Variants in PBX3 observed in about 807,000 individuals in gnomAD.
The protein encoded by PBX3 is pre-B-cell leukemia transcription factor 3.
A neutral mutation model predicts 48.5 loss-of-function variants in PBX3; 14 were observed. The observed-to-expected ratio is 0.29, with a 90% CI of 0.19 to 0.45. The LOEUF (loss-of-function observed/expected upper bound fraction) is 0.45, where lower values mean the gene tolerates loss of function less well. Among genes scored for constraint, PBX3 ranks in the 20% least tolerant of loss-of-function variants. The pLI, the probability that PBX3 is intolerant of heterozygous loss-of-function variation, is 1.00. For synonymous variants in PBX3, 210 were observed against 200.3 expected (o/e 1.05, Z -0.41); for missense variants, 386 against 546.7 (o/e 0.71, Z 2.93).
chr9:125,748,250 G>T, intron 1 of PBX3: 1 of 1,048,982 alleles, frequency 9.5e-7, no homozygotes, highest in South Asian at 3.5e-5. Context: ...CCCTCCCCCG[G>T]GTCGCCTTCG....
intron 5 of PBX3, among the ~76,000 whole-genome samples, chr9:125,954,951 A>G (rs1013214699): frequency 6.6e-6 from 1 of 152,350 alleles, no homozygotes; most frequent in African/African-American, 2.4e-5. Context: ...CATTTATGAC[A>G]TACTGGAATA....
At chr9:125,960,298 T>G (rs867205078) in intron 5 of PBX3, among the ~76,000 whole-genome samples, 2 of 152,346 alleles carry the variant, frequency 1.3e-5, no homozygotes, top group East Asian at 3.9e-4. Flanking sequence ...AAAAGAAGAA[T>G]AAGTCGTTCA....
At chr9:125,948,705 CGTGTGT>C (rs34522175) in intron 5 of PBX3, among the ~76,000 whole-genome samples, 1 of 148,524 alleles carries the variant, frequency 6.7e-6, no homozygotes, top group Non-Finnish European at 1.5e-5. Context: ...CAGGTATATA[CGTGTGT>C]GTGTGTGTGT....
chr9:125,949,255 G>T, intron 5 of PBX3: 2 of 1,235,644 alleles, frequency 1.6e-6, no homozygotes, highest in South Asian at 1.5e-5. Context: ...ATTTGCTCAG[G>T]GGATTCAGGG....
At chr9:125,752,390 C>T (rs916808014) in intron 2 of PBX3, among the ~76,000 whole-genome samples, 2 of 152,006 alleles carry the variant, frequency 1.3e-5, no homozygotes, top group Non-Finnish European at 2.9e-5. Flanking sequence ...AGTAAAAATG[C>T]CTTACTTTTA....
intron 3 of PBX3, among the ~76,000 whole-genome samples, chr9:125,924,275 C>A (rs980486849): frequency 2.0e-5 from 3 of 152,142 alleles, no homozygotes; most frequent in Non-Finnish European, 4.4e-5. Flanking sequence ...CTTACTTTTT[C>A]ATTTTTGCAA....
At chr9:125,930,609 C>T (rs189434213) in intron 4 of PBX3, among the ~76,000 whole-genome samples, 21 of 152,270 alleles carry the variant, frequency 1.4e-4, no homozygotes, top group African/African-American at 5.1e-4. Context: ...TAATTATCAT[C>T]CAAATCTCAC....
At chr9:125,803,268 A>C (rs1187429525) in intron 2 of PBX3, among the ~76,000 whole-genome samples, 1 of 151,284 alleles carries the variant, frequency 6.6e-6, no homozygotes, top group African/African-American at 2.4e-5. Context: ...TTGTATTTTT[A>C]GTAGAGACGG....
intron 5 of PBX3, among the ~76,000 whole-genome samples, chr9:125,943,707 A>G (rs1842010951): frequency 6.6e-6 from 1 of 152,148 alleles, no homozygotes; most frequent in Admixed American, 6.5e-5. Context: ...GACACTTTAT[A>G]AGTGAGGTAA....
At chr9:125,790,591 CAG>C (rs1019284119) in intron 2 of PBX3, among the ~76,000 whole-genome samples, 3 of 148,882 alleles carry the variant, frequency 2.0e-5, no homozygotes, top group African/African-American at 7.4e-5. Flanking sequence ...TTTTTTAAAA[CAG>C]AGTCCTGTTC....
At chr9:125,784,441 TTTG>T (rs957943187) in intron 2 of PBX3, among the ~76,000 whole-genome samples, 1 of 152,154 alleles carries the variant, frequency 6.6e-6, no homozygotes, top group African/African-American at 2.4e-5. Context: ...GTTTTGTGAT[TTTG>T]TTGTTGTTGT....
At chr9:125,898,922 A>C (rs1356420806) in intron 2 of PBX3, among the ~76,000 whole-genome samples, 1 of 151,668 alleles carries the variant, frequency 6.6e-6, no homozygotes, top group Non-Finnish European at 1.5e-5. Context: ...GGAAGAACAC[A>C]CAAGTAATGA....
chr9:125,778,761 C>T (rs1837153321), intron 2 of PBX3, among the ~76,000 whole-genome samples: 1 of 148,696 alleles, frequency 6.7e-6, no homozygotes. Flanking sequence ...GTTTGGAGTA[C>T]TAGCCTCACC....
intron 2 of PBX3, among the ~76,000 whole-genome samples, chr9:125,856,285 A>T (rs1157606854): frequency 6.6e-6 from 1 of 152,186 alleles, no homozygotes. Context: ...GTATAGAGCT[A>T]GTGTTCTGAA....
In PBX3 at chr9:125,768,648, G is replaced by A. The variant is rs1400110195; in HGVS notation, c.274+20025G>A. The stretch of plus-strand genomic sequence containing the variant: ...ATGTCAGACTTAATGGAAGACAACT[G>A]GATTCTCATATCTGCCTTTGCATTC... On this transcript the variant is annotated intron_variant, in intron 2 of 8. Transcript: ENST00000373489. 2.0e-5 allele frequency among the ~76,000 whole-genome samples: 3 copies of A among 152,240 alleles called. No homozygotes were observed. In the East Asian group the frequency reaches 5.8e-4, roughly 29 times the overall value.
chr9:125,837,934 T>C (rs941243758), intron 2 of PBX3, among the ~76,000 whole-genome samples: 1 of 152,182 alleles, frequency 6.6e-6, no homozygotes, highest in Non-Finnish European at 1.5e-5. Context: ...TTTCAAAAGA[T>C]AGCAACCAAA....
chr9:125,747,793 G>A, intron 1 of PBX3, 140 bp downstream of exon 1: 1 of 589,506 alleles, frequency 1.7e-6, no homozygotes, highest in South Asian at 3.2e-5. Flanking sequence ...CGCCCGCCCC[G>A]GCCTCGGGGG....
chr9:125,822,352 A>G (rs1174625362), intron 2 of PBX3, among the ~76,000 whole-genome samples: 1 of 152,122 alleles, frequency 6.6e-6, no homozygotes, highest in African/African-American at 2.4e-5. Context: ...GGGATAAGGA[A>G]TGCTCTTACA....
At chr9:125,862,502 T>G (rs775317808) in intron 2 of PBX3, among the ~76,000 whole-genome samples, 17 of 151,948 alleles carry the variant, frequency 1.1e-4, no homozygotes, top group Non-Finnish European at 2.4e-4. Flanking sequence ...TTCTCCTGCC[T>G]CAGCCTCCTA....
Sources: allele counts gnomAD v4.1 joint callset (sites outside exome capture counted in the v4.1 genomes callset), GRCh38; gene constraint gnomAD v4.1.1; transcripts MANE v1.5; gene names NCBI Gene and HGNC (gene_info 2026-07-23, HGNC 2026-07-21).